Variants in ITGAX observed in about 807,000 individuals in gnomAD.
The protein encoded by ITGAX is integrin subunit alpha X.
In ITGAX, 99 loss-of-function variants were observed where a neutral mutation model predicts 140.2. That is an observed-to-expected ratio of 0.71 (90% CI 0.60 to 0.83). The LOEUF is 0.83. Ranked by LOEUF, ITGAX falls within the 40% of genes least tolerant of loss-of-function variation. ITGAX has a pLI of 0.00. For missense variants in ITGAX, 1,444 were observed against 1,482.0 expected, an observed-to-expected ratio of 0.97 and a Z score of 0.42; for synonymous variants, 631 against 600.4, an observed-to-expected ratio of 1.05 and a Z score of -0.75.
intron 14 of ITGAX, 26 bp from the exon 15 acceptor site, chr16:31,371,058 G>A: frequency 6.2e-7 from 1 of 1,613,298 alleles, no homozygotes; most frequent in East Asian, 2.2e-5. Context: ...TTTCCATCTT[G>A]ATTCACCCTT....
intron 26 of ITGAX, 80 bp from the exon 27 acceptor site, chr16:31,380,186 C>T: frequency 6.5e-7 from 1 of 1,532,098 alleles, no homozygotes; most frequent in South Asian, 1.1e-5. Flanking sequence ...ATGGCCGCTG[C>T]CCTCAAGTCA....
intron 19 of ITGAX, 49 bp from the exon 20 acceptor site, chr16:31,373,200 T>A (rs2142519420): frequency 7.3e-7 from 1 of 1,369,428 alleles, no homozygotes; most frequent in Non-Finnish European, 1.0e-6. Flanking sequence ...AGACCATTTC[T>A]AGCCTCAGTC....
chr16:31,379,275 C>G (rs1214333971), intron 23 of ITGAX, among the ~76,000 whole-genome samples: 1 of 152,018 alleles, frequency 6.6e-6, no homozygotes, highest in Non-Finnish European at 1.5e-5. Flanking sequence ...CACCATCATG[C>G]CTGGCTAATT....
At chr16:31,359,385 C>T (rs547978966) in intron 5 of ITGAX, among the ~76,000 whole-genome samples, 301 of 152,114 alleles carry the variant, frequency 2.0e-3, no homozygotes, top group Non-Finnish European at 3.0e-3. Flanking sequence ...AGGATGGTCT[C>T]GATCTCCTGA....
At position 31,382,589 on chromosome 16, in the gene ITGAX, G is replaced by T. The variant is rs528843636; in HGVS notation, c.*682G>T. The T allele has an allele frequency of 4.9e-5, 36 of 734,772 alleles. No individual in the cohort carries two copies. Among genetic ancestry groups the T allele is most frequent in the East Asian group, 3.5e-4 (13 of 37,336 alleles). 45.5% of individuals were successfully genotyped at this position (734,772 alleles called of 1,614,324 possible). A position where few individuals can be genotyped will look rare whatever the true frequency, so the allele number is the denominator to read the frequency against. On this transcript the variant is annotated 3_prime_UTR_variant, in exon 30 of 30. Coordinates refer to ENST00000268296, the MANE Select transcript of ITGAX (RefSeq NM_000887.5). ...GAGGCTCTGTGCCCCCATCACCCTCGTTTCCAGTGAATTAGTGTCATGTCA... is the reference window on the plus strand; with the variant it reads ...GAGGCTCTGTGCCCCCATCACCCTCTTTTCCAGTGAATTAGTGTCATGTCA...
intron 1 of ITGAX, 78 bp from the exon 2 acceptor site, chr16:31,355,815 A>T (rs2080752995): frequency 9.0e-7 from 1 of 1,112,294 alleles, no homozygotes; most frequent in Admixed American, 2.0e-5. Context: ...GGAGATTGGG[A>T]CGCTGGGGCC....
At chr16:31,364,779 G>A (rs1461185345) in intron 14 of ITGAX, among the ~76,000 whole-genome samples, 2 of 151,624 alleles carry the variant, frequency 1.3e-5, no homozygotes, top group African/African-American at 4.8e-5. Flanking sequence ...TTGGGAGGCC[G>A]AGGCAGGTGG....
At chr16:31,372,765 C>A in intron 19 of ITGAX, 95 bp downstream of exon 19, 1 of 1,241,034 alleles carries the variant, frequency 8.1e-7, no homozygotes, top group Non-Finnish European at 1.2e-6. Context: ...TTGTCTCATC[C>A]TATAGTCAAA....
rs1431360968 is a variant in ITGAX at position 31,381,151 on chromosome 16, C to T, written c.3387+144C>T. ...AACTGCTTCCCACCTGCAATGTCAC[C>T]TGTCCCCAGTGGCCCCCTGCTTTGT... On this transcript the variant is annotated intron_variant, in intron 29 of 29. Coordinates refer to ENST00000268296, the MANE Select transcript of ITGAX (RefSeq NM_000887.5). 6.7e-6 allele frequency: 4 copies of T among 597,152 alleles called. No individual in the cohort carries two copies. In the African/African-American group the frequency reaches 7.4e-5, roughly 11 times the overall value. 37.0% of individuals were successfully genotyped at this position (597,152 alleles called of 1,614,324 possible).
In ITGAX at chr16:31,362,943, C is replaced by A. The variant is rs1368360570; in HGVS notation, c.1368C>A (p.Ser456=). 6.2e-7 allele frequency: 1 copy of A among 1,611,792 alleles called. No homozygotes were observed. The highest frequency in any genetic ancestry group is 1.7e-5 in the Admixed American group (1 of 59,956). ...CAGGCTCTGCCCTTCAGATCGGCTC[C>A]TACTTCGGGGCCTCCCTCTGCTCCG... The part of the protein sequence containing the change: ...KAEVTGTQIG[S]YFGASLCSVD... The change falls in exon 13 of 30, where the codon TCC becomes TCA. Residue 456 remains serine (S), a synonymous_variant. Coordinates refer to ENST00000268296, the MANE Select transcript of ITGAX (RefSeq NM_000887.5).
At chr16:31,363,918 C>T (rs2080864997) in intron 14 of ITGAX, among the ~76,000 whole-genome samples, 1 of 152,184 alleles carries the variant, frequency 6.6e-6, no homozygotes, top group African/African-American at 2.4e-5. Flanking sequence ...TCTCCCGGCT[C>T]CCTGCTGCTC....
In ITGAX at chr16:31,361,895, G is replaced by A. The variant is rs369769686; in HGVS notation, c.1072G>A (p.Ala358Thr). 43 of 1,613,996 alleles carry A rather than the reference G, an allele frequency of 2.7e-5. No homozygotes were observed. The Middle Eastern group carries it at 4.9e-4, about 19-fold the overall frequency. ...ELEMAQEGFSAVFTPDGPVLG... is the reference protein window; with the variant it reads ...ELEMAQEGFSTVFTPDGPVLG... ...GGAGATGGCACAGGAGGGCTTCAGC[G>A]CTGTGTTCACACCTGTGAGTGGGGC... Residue 358 changes from alanine (A) to threonine (T), a missense_variant, in exon 10 of 30, where the codon GCT (alanine) becomes ACT (threonine). Physicochemically the swap from Ala to Thr is moderately conservative, Grantham distance 58 (BLOSUM62 0). Coordinates refer to ENST00000268296, the MANE Select transcript of ITGAX (RefSeq NM_000887.5).
chr16:31,355,598 A>G (rs907976289), intron 1 of ITGAX, among the ~76,000 whole-genome samples: 1 of 152,176 alleles, frequency 6.6e-6, no homozygotes, highest in African/African-American at 2.4e-5. Flanking sequence ...TTTGGTCCGC[A>G]AGTTTTCCTG....
intron 20 of ITGAX, among the ~76,000 whole-genome samples, chr16:31,374,109 T>G (rs1429691122): frequency 6.6e-6 from 1 of 151,994 alleles, no homozygotes; most frequent in Non-Finnish European, 1.5e-5. Flanking sequence ...GCCAACATGG[T>G]GAAACCCCAT....
Position 31,355,981 on chromosome 16 carries a change from C to G in ITGAX, c.126C>G (p.Val42=). 6.2e-7 allele frequency: 1 copy of G among 1,612,794 alleles called. No homozygotes were observed. The highest frequency in any genetic ancestry group is 8.5e-7 in the Non-Finnish European group (1 of 1,179,110). The change falls in exon 2 of 30, where the codon GTC becomes GTG. Residue 42 remains valine, a synonymous_variant. Transcript: ENST00000268296. Reference sequence around the variant, plus strand: ...GCGCTGGGTTTGGAGACAGCGTGGTCCAGTATGCCAACTCCTGGTGAGGCC... The same window carrying G: ...GCGCTGGGTTTGGAGACAGCGTGGTGCAGTATGCCAACTCCTGGTGAGGCC... ...VDSAGFGDSV[V]QYANSWVVVG...
rs377473287 is a variant in ITGAX, at chr16:31,373,076, G to C, written c.2367-173G>C. On this transcript the variant is annotated intron_variant, in intron 19 of 29. Transcript: ENST00000268296. Reference sequence around the variant, plus strand: ...CCACTGCACTCCAGCCTGGGTGAAAGAGCAGGACTCTGTCTCTTAAAAAAA... The same window carrying C: ...CCACTGCACTCCAGCCTGGGTGAAACAGCAGGACTCTGTCTCTTAAAAAAA... Among the ~76,000 whole-genome samples the C allele has an allele frequency of 2.0e-5, 3 of 149,530 alleles. No homozygotes were observed. In the East Asian group the frequency reaches 6.1e-4, roughly 30 times the overall value.
Position 31,360,000 on chromosome 16 carries a change from C to A in ITGAX, c.642C>A (p.Ser214Arg), listed in dbSNP as rs776735511. 5.6e-6 allele frequency: 9 copies of A among 1,614,046 alleles called. No homozygotes were observed. In the South Asian group the frequency reaches 7.7e-5, roughly 14 times the overall value. Residue 214 changes from serine (S) to arginine (R), a missense_variant, in exon 7 of 30, where the codon AGC becomes AGA. By Grantham distance (110) the Ser-to-Arg change is moderately radical (BLOSUM62 -1). Coordinates refer to ENST00000268296, the MANE Select transcript of ITGAX (RefSeq NM_000887.5). ...TCAGGCGCAGCTCAAACCCCCTCAG[C>A]CTGTTGGCTTCTGTTCACCAGCTGC... is the stretch of plus-strand genomic sequence containing the variant. ...EEFRRSSNPLSLLASVHQLQG... is the reference protein window; with the variant it reads ...EEFRRSSNPLRLLASVHQLQG...
In ITGAX at chr16:31,361,152, G is replaced by A; in HGVS notation, c.951G>A (p.Glu317=). ...CCCAGGAACACATATTTAAAGTGGA[G>A]GACTTTGATGCTCTGAAAGATATTC... ...KPSQEHIFKV[E]DFDALKDIQN... Residue 317 remains glutamate, a synonymous_variant, in exon 9 of 30, where the codon GAG becomes GAA. Transcript: ENST00000268296. 2 of 1,613,856 alleles carry A rather than the reference G, an allele frequency of 1.2e-6. No homozygotes were observed. Among genetic ancestry groups the A allele is most frequent in the East Asian group, 4.5e-5 (2 of 44,874 alleles).
rs898378235 is a variant in ITGAX at position 31,356,665 on chromosome 16, C to A, written c.184C>A (p.Gln62Lys). 2.5e-6 allele frequency: 4 copies of A among 1,601,954 alleles called. No homozygotes were observed. The highest frequency in any genetic ancestry group is 1.7e-6 in the Non-Finnish European group (2 of 1,175,320). ...GAPQKITAAN[Q>K]TGGLYQCGYS... is the part of the protein sequence containing the mutation. Reference sequence around the variant, plus strand: ...CCCCCAAAAGATAACAGCTGCCAACCAAACGGGTGGCCTCTACCAGTGTGG... The same window carrying A: ...CCCCCAAAAGATAACAGCTGCCAACAAAACGGGTGGCCTCTACCAGTGTGG... The change falls in exon 3 of 30, where the codon CAA (glutamine) becomes AAA (lysine). Residue 62 changes from glutamine (Q) to lysine (K), a missense_variant. Physicochemically the swap from Gln to Lys is moderately conservative, Grantham distance 53. Coordinates refer to ENST00000268296, the MANE Select transcript of ITGAX (RefSeq NM_000887.5).
Sources: gnomAD v4.1 joint callset for allele counts (sites outside exome capture counted in the v4.1 genomes callset) on GRCh38, gnomAD v4.1.1 for gene constraint, MANE v1.5 for transcripts, NCBI Gene and HGNC (gene_info 2026-07-23, HGNC 2026-07-21) for gene names.